TMEM255B: variants seen among roughly 807,000 people sequenced by gnomAD.
TMEM255B encodes the protein transmembrane protein 255B.
Under a neutral mutation model 34.5 loss-of-function variants are expected in TMEM255B, and 35 were observed. The observed-to-expected ratio is 1.01, with a 90% CI of 0.77 to 1.34. The LOEUF (loss-of-function observed/expected upper bound fraction) is 1.34. Ranked by LOEUF, TMEM255B falls within the 40% of genes most tolerant of loss-of-function variation. TMEM255B has a pLI of 0.00. For missense variants in TMEM255B, 432 were observed against 433.2 expected (o/e 1.00, Z 0.02); for synonymous variants, 206 against 201.2 (o/e 1.02, Z -0.20).
At chr13:113,797,531 T>C (rs961222366) in intron 4 of TMEM255B, among the ~76,000 whole-genome samples, 5 of 152,214 alleles carry the variant, frequency 3.3e-5, no homozygotes, top group African/African-American at 1.2e-4. Flanking sequence ...GGAAGGAGCC[T>C]CTGTCCCCTT....
In TMEM255B at chr13:113,816,471, C is replaced by A. The variant is rs1594182189; in HGVS notation, c.*4568C>A. The A allele has an allele frequency of 6.5e-6, 1 of 154,100 alleles. No individual in the cohort carries two copies. Among genetic ancestry groups the A allele is most frequent in the Non-Finnish European group, 1.4e-5 (1 of 69,176 alleles). The allele number at this position is 154,100 out of a possible 1,614,324, so 9.5% of individuals were successfully genotyped here. On this transcript the variant is annotated 3_prime_UTR_variant, in exon 9 of 9. Transcript: ENST00000375353. ...TCCATGGAAACGGGAGTGGGAGAAA[C>A]GGGCCCCAAGGATGTTGTGAAGATG...
At chr13:113,803,039 C>G (rs9550251) in intron 7 of TMEM255B, 98,178 of 147,654 alleles carry the variant, frequency 0.66, 36,474 homozygotes, top group East Asian at 0.87. Flanking sequence ...GCGGCCGTCC[C>G]AGGAGGAACT....
Position 113,804,938 on chromosome 13 carries a change from C to T in TMEM255B, c.723C>T (p.Tyr241=), listed in dbSNP as rs778789707. The T allele has an allele frequency of 1.1e-5, 17 of 1,605,878 alleles. No individual in the cohort carries two copies. The highest frequency in any genetic ancestry group is 1.4e-5 in the Non-Finnish European group (17 of 1,179,766). Residue 241 remains tyrosine, a synonymous_variant, in exon 8 of 9, where the codon TAC becomes TAT. Coordinates refer to ENST00000375353, the MANE Select transcript of TMEM255B (RefSeq NM_182614.4). Reference sequence around the variant, plus strand: ...CAGCCGTCCCACCACAGACCCTCTACAACCCCGCCCAGCAGATCCTGGCCT... The same window carrying T: ...CAGCCGTCCCACCACAGACCCTCTATAACCCCGCCCAGCAGATCCTGGCCT... ...YGPAVPPQTL[Y]NPAQQILAYA...
intron 3 of TMEM255B, among the ~76,000 whole-genome samples, chr13:113,778,601 G>T (rs535863138): frequency 6.7e-6 from 1 of 149,436 alleles, no homozygotes; most frequent in African/African-American, 2.5e-5. Context: ...GTCTTCTCCC[G>T]GGTGAGTCTC....
At chr13:113,765,029 C>T (rs563527688) in intron 1 of TMEM255B, among the ~76,000 whole-genome samples, 4 of 152,238 alleles carry the variant, frequency 2.6e-5, no homozygotes, top group African/African-American at 7.2e-5. Context: ...TGGTTTATTA[C>T]ATTGGCGAAT....
intron 7 of TMEM255B, among the ~76,000 whole-genome samples, chr13:113,804,605 CGGGCCGGGGTT>C (rs2051129666): frequency 6.7e-6 from 1 of 149,708 alleles, no homozygotes; most frequent in African/African-American, 2.5e-5. Context: ...AAACGCACGC[CGGGCCGGGGTT>C]AGCTCCAGCC....
intron 1 of TMEM255B, among the ~76,000 whole-genome samples, chr13:113,762,216 A>G (rs2050320716): frequency 6.6e-6 from 1 of 151,410 alleles, no homozygotes. Flanking sequence ...TATGCTAATT[A>G]TAAAGATATC....
At chr13:113,808,369 A>G (rs2051224356) in intron 8 of TMEM255B, among the ~76,000 whole-genome samples, 1 of 152,128 alleles carries the variant, frequency 6.6e-6, no homozygotes. Flanking sequence ...CGTTACTAAG[A>G]AACATGCCCT....
At position 113,769,421 on chromosome 13, in the gene TMEM255B, G is replaced by A. The variant is rs2050442765; in HGVS notation, c.252+261G>A. On this transcript the variant is annotated intron_variant, in intron 3 of 8. Transcript: ENST00000375353. The surrounding 1 kb of genome is among the most constrained non-coding windows in gnomAD (Gnocchi z 4.2). ...GTGGTGTGCAACCACCAATGCTGAG[G>A]CCTGGGAAGCTCAGAGAATGCATGA... Among the ~76,000 whole-genome samples the A allele has an allele frequency of 6.6e-6, 1 of 152,242 alleles. No homozygotes were observed. Among genetic ancestry groups the A allele is most frequent in the Non-Finnish European group, 1.5e-5 (1 of 68,042 alleles).
intron 4 of TMEM255B, among the ~76,000 whole-genome samples, chr13:113,798,162 A>G (rs1227087080): frequency 6.6e-6 from 1 of 151,886 alleles, no homozygotes; most frequent in Non-Finnish European, 1.5e-5. Flanking sequence ...TGGATGATGG[A>G]TGGATGGATA....
chr13:113,767,743 G>A (rs539154639), intron 2 of TMEM255B, among the ~76,000 whole-genome samples: 2 of 152,342 alleles, frequency 1.3e-5, no homozygotes, highest in African/African-American at 4.8e-5. Context: ...TTCTGCCAAT[G>A]TAGAGACTTA....
chr13:113,792,891 G>A (rs2050855214), intron 3 of TMEM255B, among the ~76,000 whole-genome samples: 1 of 152,280 alleles, frequency 6.6e-6, no homozygotes, highest in African/African-American at 2.4e-5. Context: ...TGAGACGCGG[G>A]AAGGGCGGGG....
chr13:113,803,644 C>CA (rs2051106589), intron 7 of TMEM255B, among the ~76,000 whole-genome samples: 1 of 118,532 alleles, frequency 8.4e-6, no homozygotes, highest in African/African-American at 2.9e-5. Context: ...AAATCTCCTG[C>CA]CCCTCCCTCA....
At chr13:113,762,105 G>GAAA (rs11290901) in intron 1 of TMEM255B, among the ~76,000 whole-genome samples, 17,998 of 147,526 alleles carry the variant, frequency 0.12, 1,215 homozygotes, top group Middle Eastern at 0.17. Flanking sequence ...TCCGGGACAG[G>GAAA]AAAAAAAAAA....
At chr13:113,767,298 A>C (rs1173877671) in intron 2 of TMEM255B, among the ~76,000 whole-genome samples, 1 of 152,266 alleles carries the variant, frequency 6.6e-6, no homozygotes, top group African/African-American at 2.4e-5. Flanking sequence ...TTTATGAATA[A>C]ACATATACAA....
chr13:113,798,120 G>T (rs920651885), intron 4 of TMEM255B, among the ~76,000 whole-genome samples: 1 of 151,940 alleles, frequency 6.6e-6, no homozygotes, highest in Non-Finnish European at 1.5e-5. Flanking sequence ...GACAGGAATG[G>T]ATGGATGGGT....
rs541915394 is a variant in TMEM255B, at chr13:113,776,523, G to C, written c.252+7363G>C. 4.6e-5 allele frequency among the ~76,000 whole-genome samples: 7 copies of C among 152,246 alleles called. No homozygotes were observed. The South Asian group carries it at 1.4e-3, about 31-fold the overall frequency. ...CCTGCTGCTGTCCGAGCTGTGAGCT[G>C]TGCACGTGACCCCACCTCAGAGCTG... On this transcript the variant is annotated intron_variant, in intron 3 of 8. Coordinates refer to ENST00000375353, the MANE Select transcript of TMEM255B (RefSeq NM_182614.4).
Position 113,804,999 on chromosome 13 carries a change from A to G in TMEM255B, c.784A>G (p.Thr262Ala). The change falls in exon 8 of 9, where the codon ACC (threonine) becomes GCC (alanine). Residue 262 changes from threonine to alanine, a missense_variant. Coordinates refer to ENST00000375353, the MANE Select transcript of TMEM255B (RefSeq NM_182614.4). ...CCGCCTGACGCCCGAGCCCGTCCCG[A>G]CCTGCTCGTCCTACCCTCTGCCCCT... The part of the protein sequence containing the change: ...GFRLTPEPVP[T>A]CSSYPLPLQP... 6 of 1,605,644 alleles carry G rather than the reference A, an allele frequency of 3.7e-6. No homozygotes were observed. Among genetic ancestry groups the G allele is most frequent in the Non-Finnish European group, 5.1e-6 (6 of 1,179,188 alleles).
chr13:113,794,746 G>A (rs542532508), intron 3 of TMEM255B, among the ~76,000 whole-genome samples: 61 of 152,352 alleles, frequency 4.0e-4, no homozygotes, highest in Non-Finnish European at 7.1e-4. Flanking sequence ...CATTAGGTAG[G>A]AAAAGCAGGT....
Sources: allele counts gnomAD v4.1 joint callset (sites outside exome capture counted in the v4.1 genomes callset), GRCh38; gene constraint gnomAD v4.1.1; non-coding constraint Gnocchi (gnomAD v3.1); transcripts MANE v1.5; gene names NCBI Gene and HGNC (gene_info 2026-07-23, HGNC 2026-07-21).